USH2A: variants seen among roughly 807,000 people sequenced by gnomAD.
The protein encoded by USH2A is usherin.
A neutral mutation model predicts 538.9 loss-of-function variants in USH2A; 443 were observed. The observed-to-expected ratio is 0.82, with a 90% CI of 0.76 to 0.89. The LOEUF is 0.89. USH2A is among the 40% of genes least tolerant of loss of function. The pLI is 0.00. For missense variants in USH2A, 6,633 were observed against 6,324.8 expected (o/e 1.05, Z -1.65); for synonymous variants, 2,413 against 2,273.5 (o/e 1.06, Z -1.75).
At chr1:215,854,164 A>T (rs1024325689) in intron 44 of USH2A, among the ~76,000 whole-genome samples, 10 of 152,196 alleles carry the variant, frequency 6.6e-5, no homozygotes, top group Non-Finnish European at 1.5e-4. Flanking sequence ...ATCATGGTGG[A>T]AGGTGAAAGG....
chr1:216,196,499 C>A, intron 19 of USH2A, 54 bp downstream of exon 19: 1 of 1,603,806 alleles, frequency 6.2e-7, no homozygotes, highest in Non-Finnish European at 8.5e-7. Context: ...CAAAAAATGT[C>A]CAAATGAAGC....
intron 21 of USH2A, among the ~76,000 whole-genome samples, chr1:216,138,679 T>C (rs1302677651): frequency 6.6e-6 from 1 of 152,168 alleles, no homozygotes; most frequent in African/African-American, 2.4e-5. Flanking sequence ...AGCAATAACA[T>C]GTAGATATTA....
At chr1:215,682,778 C>A (rs2820674) in intron 61 of USH2A, among the ~76,000 whole-genome samples, 19,675 of 151,544 alleles carry the variant, frequency 0.13, 1,372 homozygotes, top group Non-Finnish European at 0.15. Flanking sequence ...AGAGAAATAA[C>A]CACATGTTGG....
At chr1:215,876,742 A>G (rs905859538) in intron 43 of USH2A, among the ~76,000 whole-genome samples, 1 of 152,170 alleles carries the variant, frequency 6.6e-6, no homozygotes, top group Non-Finnish European at 1.5e-5. Context: ...TAGAGGAAGA[A>G]ACCTCCAGGC....
intron 70 of USH2A, among the ~76,000 whole-genome samples, chr1:215,632,131 C>G (rs969219759): frequency 2.6e-5 from 4 of 152,088 alleles, no homozygotes; most frequent in Non-Finnish European, 5.9e-5. Flanking sequence ...GGCGTGATCT[C>G]GGTTCACTGC....
At chr1:215,791,863 A>G (rs560891599) in intron 50 of USH2A, among the ~76,000 whole-genome samples, 82 of 152,326 alleles carry the variant, frequency 5.4e-4, no homozygotes, top group African/African-American at 2.0e-3. Context: ...TACACACACA[A>G]ATACATATAA....
At chr1:216,096,168 AG>A (rs1394161452) in intron 22 of USH2A, among the ~76,000 whole-genome samples, 1 of 152,192 alleles carries the variant, frequency 6.6e-6, no homozygotes, top group Non-Finnish European at 1.5e-5. Flanking sequence ...TTTGCTTACA[AG>A]GTCTTAAATG....
intron 60 of USH2A, among the ~76,000 whole-genome samples, chr1:215,740,568 C>T (rs910110803): frequency 7.9e-5 from 12 of 152,188 alleles, no homozygotes; most frequent in African/African-American, 2.9e-4. Flanking sequence ...GCCCCTTTTT[C>T]TGCTTATGAA....
At chr1:215,925,661 TAC>T (rs1283704721) in intron 38 of USH2A, among the ~76,000 whole-genome samples, 4 of 152,110 alleles carry the variant, frequency 2.6e-5, no homozygotes, top group African/African-American at 9.6e-5. Flanking sequence ...TAAGGGAATA[TAC>T]CATCTTAGCC....
chr1:216,289,243 G>C (rs753894100), intron 11 of USH2A, 37 bp downstream of exon 11: 3 of 1,613,316 alleles, frequency 1.9e-6, no homozygotes, highest in Non-Finnish European at 2.5e-6. Flanking sequence ...CTGGCAGACA[G>C]AGTAATCCTT....
chr1:216,235,911 T>A (rs953644184), intron 13 of USH2A, among the ~76,000 whole-genome samples: 1 of 152,184 alleles, frequency 6.6e-6, no homozygotes, highest in Non-Finnish European at 1.5e-5. Context: ...CCTATATCCA[T>A]GCAACAAAAG....
At chr1:215,784,482 T>TA (rs1394121476) in intron 52 of USH2A, among the ~76,000 whole-genome samples, 1 of 133,424 alleles carries the variant, frequency 7.5e-6, no homozygotes, top group African/African-American at 3.2e-5. Flanking sequence ...TCTTTCTTCA[T>TA]ATAGGGTTGA....
At chr1:216,117,992 G>A (rs144839493) in intron 21 of USH2A, among the ~76,000 whole-genome samples, 1 of 152,014 alleles carries the variant, frequency 6.6e-6, no homozygotes, top group East Asian at 1.9e-4. Flanking sequence ...GTGTGGGAAG[G>A]GGAATTTGAT....
At chr1:215,726,482 C>T (rs901503507) in intron 61 of USH2A, among the ~76,000 whole-genome samples, 1 of 152,022 alleles carries the variant, frequency 6.6e-6, no homozygotes, top group East Asian at 1.9e-4. Flanking sequence ...GTACTTTAAA[C>T]TATTAATTTA....
At chr1:216,321,840 T>C (rs2037615799) in intron 9 of USH2A, 43 bp downstream of exon 9, 2 of 1,521,752 alleles carry the variant, frequency 1.3e-6, no homozygotes, top group East Asian at 4.5e-5. Flanking sequence ...TCACCATCTC[T>C]ACTATTTTTT....
At chr1:216,324,391 A>C (rs889725030) in intron 6 of USH2A, 39 bp from the exon 7 acceptor site, 10 of 1,541,600 alleles carry the variant, frequency 6.5e-6, no homozygotes, top group African/African-American at 4.1e-5. Context: ...TAAAGTTTTA[A>C]GTTTAACCAT....
chr1:215,652,261 C>A (rs1558038635), intron 64 of USH2A, among the ~76,000 whole-genome samples: 2 of 152,210 alleles, frequency 1.3e-5, no homozygotes, highest in South Asian at 4.1e-4. Context: ...AGTGCTGAAA[C>A]AAGAATTCTG....
chr1:215,899,817 G>T (rs2102469270), intron 40 of USH2A, among the ~76,000 whole-genome samples: 1 of 152,260 alleles, frequency 6.6e-6, no homozygotes, highest in East Asian at 1.9e-4. Context: ...CTGAAGGATA[G>T]AATGGGGCCA....
intron 32 of USH2A, 144 bp downstream of exon 32, chr1:216,046,287 T>C: frequency 1.2e-6 from 1 of 816,992 alleles, no homozygotes; most frequent in Non-Finnish European, 1.9e-6. Flanking sequence ...TTAATTGTTC[T>C]GTTGTTATTT....
Sources: allele counts gnomAD v4.1 joint callset (sites outside exome capture counted in the v4.1 genomes callset), GRCh38; gene constraint gnomAD v4.1.1; transcripts MANE v1.5; gene names NCBI Gene and HGNC (gene_info 2026-07-23, HGNC 2026-07-21).